The following SPTSSA variants were observed in gnomAD, a reference collection of about 807,000 sequenced individuals.
SPTSSA encodes small subunit of serine palmitoyltransferase A.
Under a neutral mutation model 9.1 loss-of-function variants are expected in SPTSSA, and 8 were observed. That is an observed-to-expected ratio of 0.88 (90% confidence interval 0.51 to 1.58). The LOEUF (loss-of-function observed/expected upper bound fraction) is 1.58, where lower values mean the gene tolerates loss of function less well. SPTSSA is among the 40% of genes most tolerant of loss of function. SPTSSA has a pLI of 0.00. For synonymous variants in SPTSSA, 42 were observed against 37.7 expected (o/e 1.11, Z -0.41); for missense variants, 100 against 93.8 (o/e 1.07, Z -0.27).
chr14:34,439,936 C>T (rs1264962171), intron 1 of SPTSSA, among the ~76,000 whole-genome samples: 6 of 152,168 alleles, frequency 3.9e-5, no homozygotes, highest in Admixed American at 3.3e-4. Context: ...CAGTAGTTAT[C>T]TCCTCTTGTA....
chr14:34,449,723 G>A (rs1033826994), intron 1 of SPTSSA, among the ~76,000 whole-genome samples: 31 of 142,070 alleles, frequency 2.2e-4, no homozygotes, highest in African/African-American at 5.3e-4. Flanking sequence ...GGCTGGTCTC[G>A]AACTCCTGGC....
chr14:34,454,671 C>G (rs2138832963), intron 1 of SPTSSA, among the ~76,000 whole-genome samples: 1 of 152,334 alleles, frequency 6.6e-6, no homozygotes, highest in Admixed American at 6.5e-5. Context: ...TAAAGGTGGT[C>G]TGCTTCCACC....
At chr14:34,454,281 A>G (rs1312145613) in intron 1 of SPTSSA, among the ~76,000 whole-genome samples, 1 of 152,224 alleles carries the variant, frequency 6.6e-6, no homozygotes, top group Non-Finnish European at 1.5e-5. Context: ...AAATGGAGAC[A>G]GGACCTATAG....
intron 1 of SPTSSA, among the ~76,000 whole-genome samples, chr14:34,455,902 A>G (rs1230225195): frequency 6.6e-6 from 1 of 151,862 alleles, no homozygotes; most frequent in Non-Finnish European, 1.5e-5. Context: ...AGTGTACTCC[A>G]GCCTGGGCAA....
At chr14:34,450,221 G>A (rs998460705) in intron 1 of SPTSSA, among the ~76,000 whole-genome samples, 3 of 152,170 alleles carry the variant, frequency 2.0e-5, no homozygotes, top group African/African-American at 7.2e-5. Context: ...GTCTATGTTT[G>A]CCCAAGTTCA....
At chr14:34,448,298 C>T (rs72673421) in intron 1 of SPTSSA, among the ~76,000 whole-genome samples, 4 of 152,034 alleles carry the variant, frequency 2.6e-5, no homozygotes, top group Admixed American at 6.6e-5. Flanking sequence ...CAGAGCAGGG[C>T]GAGAGTTCCA....
chr14:34,456,296 TG>T (rs1385382060), intron 1 of SPTSSA, among the ~76,000 whole-genome samples: 1 of 152,128 alleles, frequency 6.6e-6, no homozygotes, highest in Non-Finnish European at 1.5e-5. Context: ...CACTCCAGCC[TG>T]GGCAACAAGT....
chr14:34,452,064 A>AT (rs2138830638), intron 1 of SPTSSA, among the ~76,000 whole-genome samples: 1 of 152,066 alleles, frequency 6.6e-6, no homozygotes, highest in South Asian at 2.1e-4. Flanking sequence ...CGGGGCGGGC[A>AT]TATCACCTGA....
At chr14:34,440,957 A>T (rs185301932) in intron 1 of SPTSSA, among the ~76,000 whole-genome samples, 2 of 152,052 alleles carry the variant, frequency 1.3e-5, no homozygotes, top group African/African-American at 4.8e-5. Flanking sequence ...AAGCTTTTAA[A>T]TTTTTTACAT....
chr14:34,458,904 C>CTT (rs759940424), intron 1 of SPTSSA, among the ~76,000 whole-genome samples: 1,505 of 124,040 alleles, frequency 0.012, 75 homozygotes, highest in African/African-American at 0.041. Context: ...GAAATTACAA[C>CTT]TTTTTTTTTT....
chr14:34,462,102 C>G lies in SPTSSA; in HGVS notation c.106G>C (p.Val36Leu), dbSNP rs772705705. 6 of 1,509,198 alleles carry G rather than the reference C, an allele frequency of 4.0e-6. No homozygotes were observed. In the South Asian group the frequency reaches 7.1e-5, roughly 18 times the overall value. 93.5% of individuals were successfully genotyped at this position (1,509,198 alleles called of 1,614,324 possible). ...LYMLEPWERT[V>L]FNSMLVSIVG... ...CGCGGCCGGGACAGGATACTGAACACCGTCCGCTCCCAGGGCTCCAGCATG... is the reference window on the plus strand; with the variant it reads ...CGCGGCCGGGACAGGATACTGAACAGCGTCCGCTCCCAGGGCTCCAGCATG... The change falls in exon 1 of 2, where the codon GTG (valine) becomes CTG (leucine). Residue 36 changes from valine to leucine, a missense_variant. Val to Leu is a conservative substitution (Grantham distance 32). Coordinates refer to ENST00000298130, the MANE Select transcript of SPTSSA (RefSeq NM_138288.4).
chr14:34,447,060 C>T (rs1413879730), intron 1 of SPTSSA, among the ~76,000 whole-genome samples: 2 of 151,626 alleles, frequency 1.3e-5, no homozygotes, highest in Non-Finnish European at 2.9e-5. Flanking sequence ...CGCGTCTCTA[C>T]TAAAAATACA....
intron 1 of SPTSSA, among the ~76,000 whole-genome samples, chr14:34,436,192 C>T (rs1883239118): frequency 1.3e-5 from 2 of 152,182 alleles, no homozygotes; most frequent in African/African-American, 2.4e-5. Context: ...ATCACTATTG[C>T]TACTATTTGC....
chr14:34,445,406 C>A (rs1201293497), intron 1 of SPTSSA, among the ~76,000 whole-genome samples: 1 of 152,056 alleles, frequency 6.6e-6, no homozygotes, highest in Non-Finnish European at 1.5e-5. Context: ...GAGGCTGAGG[C>A]AGGAGAATTG....
intron 1 of SPTSSA, among the ~76,000 whole-genome samples, chr14:34,455,374 G>A (rs1440013152): frequency 2.6e-5 from 4 of 151,100 alleles, no homozygotes; most frequent in Non-Finnish European, 4.4e-5. Flanking sequence ...GGAAAAGAGC[G>A]AAACTGTCTC....
At position 34,444,012 on chromosome 14, in the gene SPTSSA, C is replaced by G. The variant is rs1015630739; in HGVS notation, c.113-8708G>C. Among the ~76,000 whole-genome samples the G allele has an allele frequency of 5.3e-5, 8 of 152,290 alleles. No homozygotes were observed. The East Asian group carries it at 1.2e-3, about 22-fold the overall frequency. ...ATAGAGAACCCAGCAACCTGGCATG[C>G]CAGCAAAAGGGTAAGAATTTCTTAC... On this transcript the variant is annotated intron_variant, in intron 1 of 1. Transcript: ENST00000298130.
intron 1 of SPTSSA, among the ~76,000 whole-genome samples, chr14:34,443,083 G>C (rs1883348501): frequency 7.8e-6 from 1 of 127,884 alleles, no homozygotes; most frequent in Non-Finnish European, 1.6e-5. Flanking sequence ...GGCAGTCTTA[G>C]CTCACTGCAA....
intron 1 of SPTSSA, among the ~76,000 whole-genome samples, chr14:34,459,779 T>TCA (rs112310300): frequency 0.042 from 6,379 of 151,718 alleles, 162 homozygotes; most frequent in Middle Eastern, 0.086. Context: ...AAACACTGTC[T>TCA]CACACACACA....
At chr14:34,442,955 GGTGTGTGTGT>G (rs958490338) in intron 1 of SPTSSA, among the ~76,000 whole-genome samples, 2 of 124,118 alleles carry the variant, frequency 1.6e-5, no homozygotes, top group Non-Finnish European at 1.7e-5. Flanking sequence ...TGTCTAGGGG[GGTGTGTGTGT>G]GTGTGTGTGT....
Sources: allele counts gnomAD v4.1 joint callset (sites outside exome capture counted in the v4.1 genomes callset), GRCh38; gene constraint gnomAD v4.1.1; transcripts MANE v1.5; gene names NCBI Gene and HGNC (gene_info 2026-07-23, HGNC 2026-07-21).